ENOX1: variants seen among roughly 807,000 people sequenced by gnomAD.
ENOX1 encodes candidate growth-related and time keeping constitutive hydroquinone (NADH) oxidase.
In ENOX1, 42 loss-of-function variants were observed where a neutral mutation model predicts 82.5. The ratio of observed to expected loss-of-function variants is 0.51; its 90% CI spans 0.40 to 0.66. ENOX1 has a LOEUF of 0.66. ENOX1 is among the 30% of genes least tolerant of loss of function. ENOX1 has a pLI of 0.00. For missense variants in ENOX1, 608 were observed against 811.6 expected (o/e 0.75, Z 3.05); for synonymous variants, 271 against 282.2 (o/e 0.96, Z 0.40).
At chr13:43,699,659 A>G (rs1253332548) in intron 1 of ENOX1, among the ~76,000 whole-genome samples, 2 of 152,194 alleles carry the variant, frequency 1.3e-5, no homozygotes, top group Non-Finnish European at 2.9e-5. Context: ...TCATGTTTTG[A>G]ATATTTAGGG....
At chr13:43,737,160 C>A (rs1008447411) in intron 1 of ENOX1, among the ~76,000 whole-genome samples, 2 of 152,144 alleles carry the variant, frequency 1.3e-5, no homozygotes, top group African/African-American at 4.8e-5. Flanking sequence ...AAAAAACACC[C>A]CAGAATTTGA....
chr13:43,605,519 AC>A (rs1340616650), intron 2 of ENOX1, among the ~76,000 whole-genome samples: 6 of 152,264 alleles, frequency 3.9e-5, no homozygotes, highest in African/African-American at 1.2e-4. Flanking sequence ...TCTACAGTAA[AC>A]TTTTGACAAA....
rs2049254563 is a variant in ENOX1 at position 43,344,409 on chromosome 13, G to A, written c.1036+129C>T. The A allele has an allele frequency of 3.6e-5, 27 of 748,530 alleles. No homozygotes were observed. The South Asian group carries it at 4.8e-4, about 13-fold the overall frequency. 46.4% of individuals were successfully genotyped at this position (748,530 alleles called of 1,614,324 possible). ...CACAGAACATGAAATAGGTTATGAA[G>A]TTTGCCATTCAATATGGAGTAAAAA... On this transcript the variant is annotated intron_variant, in intron 9 of 16. Transcript: ENST00000690772.
At chr13:43,603,364 TTTTATTTATTTTATTTA>T (rs1242798775) in intron 2 of ENOX1, among the ~76,000 whole-genome samples, 1 of 114,898 alleles carries the variant, frequency 8.7e-6, no homozygotes, top group Non-Finnish European at 1.6e-5. Flanking sequence ...TTTTTTTTCC[TTTTATTTATTTTATTTA>T]TTTATTTATT....
chr13:43,271,837 T>C (rs1257237202), intron 12 of ENOX1, among the ~76,000 whole-genome samples: 1 of 152,204 alleles, frequency 6.6e-6, no homozygotes, highest in East Asian at 1.9e-4. Context: ...GTCAGTGATG[T>C]AGTGTCTAGA....
chr13:43,574,501 G>A (rs965353529), intron 2 of ENOX1, among the ~76,000 whole-genome samples: 1 of 152,134 alleles, frequency 6.6e-6, no homozygotes, highest in Non-Finnish European at 1.5e-5. Flanking sequence ...AATGTTTTGG[G>A]TTAAAATCAA....
At chr13:43,587,401 A>G (rs2081047247) in intron 2 of ENOX1, among the ~76,000 whole-genome samples, 1 of 152,226 alleles carries the variant, frequency 6.6e-6, no homozygotes, top group Admixed American at 6.5e-5. Context: ...GACCTTATCA[A>G]TGGTGAACAC....
intron 9 of ENOX1, among the ~76,000 whole-genome samples, chr13:43,333,175 A>T (rs1364857631): frequency 6.6e-6 from 1 of 152,212 alleles, no homozygotes; most frequent in Non-Finnish European, 1.5e-5. Flanking sequence ...TTACATAAAT[A>T]TCTTTATAAA....
intron 5 of ENOX1, among the ~76,000 whole-genome samples, chr13:43,403,630 C>G (rs1010765175): frequency 1.3e-5 from 2 of 152,106 alleles, no homozygotes; most frequent in African/African-American, 4.8e-5. Context: ...ATTGCTTGAT[C>G]AAGCCCAGGA....
intron 8 of ENOX1, among the ~76,000 whole-genome samples, chr13:43,345,210 A>C (rs2049306217): frequency 6.6e-6 from 1 of 152,252 alleles, no homozygotes; most frequent in Non-Finnish European, 1.5e-5. Flanking sequence ...TGTGGAAGAA[A>C]GATTGGATTT....
At chr13:43,654,426 A>G (rs899818633) in intron 2 of ENOX1, among the ~76,000 whole-genome samples, 9 of 152,182 alleles carry the variant, frequency 5.9e-5, no homozygotes, top group African/African-American at 2.2e-4. Context: ...TCATAAATAC[A>G]TATTTATGTA....
chr13:43,392,183 T>C (rs1350577398), intron 5 of ENOX1, among the ~76,000 whole-genome samples: 1 of 152,244 alleles, frequency 6.6e-6, no homozygotes, highest in Non-Finnish European at 1.5e-5. Flanking sequence ...TATGGTCTAT[T>C]ATTGCAGCAT....
chr13:43,245,081 A>G (rs568883929), intron 14 of ENOX1, among the ~76,000 whole-genome samples: 1 of 152,352 alleles, frequency 6.6e-6, no homozygotes, highest in East Asian at 1.9e-4. Flanking sequence ...GAATGGAGAT[A>G]TCCCTTCACA....
At chr13:43,570,998 T>C (rs2080152899) in intron 2 of ENOX1, among the ~76,000 whole-genome samples, 1 of 152,220 alleles carries the variant, frequency 6.6e-6, no homozygotes, top group South Asian at 2.1e-4. Flanking sequence ...ATACAGTCTC[T>C]GGCTTCTCAT....
At chr13:43,265,294 G>A in intron 14 of ENOX1, 104 bp downstream of exon 14, 1 of 937,980 alleles carries the variant, frequency 1.1e-6, no homozygotes. Context: ...GCTGCTGACA[G>A]GCAGAGCTTC....
chr13:43,652,768 T>C (rs937288714), intron 2 of ENOX1, among the ~76,000 whole-genome samples: 3 of 152,190 alleles, frequency 2.0e-5, no homozygotes, highest in Non-Finnish European at 4.4e-5. Context: ...AGGCCTTGCT[T>C]TGGACTCAGG....
chr13:43,684,554 A>G (rs777599656), intron 1 of ENOX1, among the ~76,000 whole-genome samples: 6 of 152,198 alleles, frequency 3.9e-5, no homozygotes, highest in Non-Finnish European at 7.3e-5. Context: ...CATCAGTCCC[A>G]TGATAGCACC....
intron 3 of ENOX1, chr13:43,458,985 C>G (rs1285911289): frequency 6.6e-6 from 1 of 152,168 alleles, no homozygotes; most frequent in Non-Finnish European, 1.5e-5. Context: ...TGCGACTTCC[C>G]ACTCTAACAT....
intron 3 of ENOX1, among the ~76,000 whole-genome samples, chr13:43,445,358 C>T (rs113260761): frequency 2.4e-4 from 36 of 152,172 alleles, no homozygotes; most frequent in African/African-American, 7.0e-4. Context: ...CTCCTGACCT[C>T]GTGATCTGCC....
Sources: allele counts gnomAD v4.1 joint callset (sites outside exome capture counted in the v4.1 genomes callset), GRCh38; gene constraint gnomAD v4.1.1; transcripts MANE v1.5; gene names NCBI Gene and HGNC (gene_info 2026-07-23, HGNC 2026-07-21).